NPPA: variants seen among roughly 807,000 people sequenced by gnomAD.
NPPA encodes the protein natriuretic peptide A.
Under a neutral mutation model 12.2 loss-of-function variants are expected in NPPA, and 10 were observed. The ratio of observed to expected loss-of-function variants is 0.82; its 90% CI spans 0.50 to 1.38. NPPA has a LOEUF of 1.38. Among genes scored for constraint, NPPA ranks in the 40% most tolerant of loss-of-function variants. The pLI is 0.00. For synonymous variants in NPPA, 85 were observed against 80.2 expected (o/e 1.06, Z -0.32); for missense variants, 207 against 193.5 (o/e 1.07, Z -0.41).
chr1:11,845,729 C>G lies in NPPA; in HGVS notation c.*280G>C. The G allele has an allele frequency of 3.8e-6, 2 of 530,662 alleles. No individual in the cohort carries two copies. Among genetic ancestry groups the G allele is most frequent in the Non-Finnish European group, 6.8e-6 (2 of 294,342 alleles). The allele number at this position is 530,662 out of a possible 1,614,324, so 32.9% of individuals were successfully genotyped here. A position where few individuals can be genotyped will look rare whatever the true frequency, so the allele number is the denominator to read the frequency against. On this transcript the variant is annotated 3_prime_UTR_variant, in exon 3 of 3. Coordinates refer to ENST00000376480, the MANE Select transcript of NPPA (RefSeq NM_006172.4). ...AGGCATTTGTCTTCTGTCCATGGTG[C>G]TGAAGTTTATTCACTTTCAAACCAC...
Position 11,845,810 on chromosome 1 carries a change from G to A in NPPA, c.*199C>T, listed in dbSNP as rs541197886. 11 of 635,304 alleles carry A rather than the reference G, an allele frequency of 1.7e-5. No individual in the cohort carries two copies. Among genetic ancestry groups the A allele is most frequent in the South Asian group, 5.4e-5 (3 of 55,096 alleles). The allele number at this position is 635,304 out of a possible 1,614,324, so 39.4% of individuals were successfully genotyped here. A position where few individuals can be genotyped will look rare whatever the true frequency, so the allele number is the denominator to read the frequency against. On this transcript the variant is annotated 3_prime_UTR_variant, in exon 3 of 3. Coordinates refer to ENST00000376480, the MANE Select transcript of NPPA (RefSeq NM_006172.4). ...ATTTAATGCATGGGGTGGGAGAGGCGAGGAAGTCACCATCAAACCACTTTA... is the reference window on the plus strand; with the variant it reads ...ATTTAATGCATGGGGTGGGAGAGGCAAGGAAGTCACCATCAAACCACTTTA...
At position 11,847,517 on chromosome 1, in the gene NPPA, A is replaced by G. The variant is rs187460906; in HGVS notation, c.123+45T>C. The G allele has an allele frequency of 5.3e-4, 852 of 1,614,224 alleles. 18 individuals carry two copies. The Admixed American group carries it at 0.014, about 26-fold the overall frequency. Reference sequence around the variant, plus strand: ...AATCAAGAGGAGTGAGCACAGCATCAGAAAGCCCCCTGGCCCCAGACTGCA... The same window carrying G: ...AATCAAGAGGAGTGAGCACAGCATCGGAAAGCCCCCTGGCCCCAGACTGCA... On this transcript the variant is annotated intron_variant, in intron 1 of 2. Coordinates refer to ENST00000376480, the MANE Select transcript of NPPA (RefSeq NM_006172.4).
In NPPA at chr1:11,847,667, G is replaced by T. The variant is rs777614977; in HGVS notation, c.18C>A (p.Thr6=). The change falls in exon 1 of 3, where the codon ACC becomes ACA. Residue 6 remains threonine (T), a synonymous_variant. Transcript: ENST00000376480. The part of the protein sequence containing the change: MSSFS[T]TTVSFLLLLA... ...GTAAAAGGAGGAAGCTCACGGTGGT[G>T]GTGGAGAAGGAGCTCATGCTGGCGT... 2 of 1,614,152 alleles carry T rather than the reference G, an allele frequency of 1.2e-6. No individual in the cohort carries two copies. Among genetic ancestry groups the T allele is most frequent in the Non-Finnish European group, 1.7e-6 (2 of 1,180,020 alleles).
Position 11,847,458 on chromosome 1 carries a change from C to T in NPPA, c.124-19G>A, listed in dbSNP as rs1451671963. ...GCAAATTCTTTAGAAAAGGAAAATA[C>T]AGGGAAAGGGATAAACCTCACTGAC... On this transcript the variant is annotated intron_variant, in intron 1 of 2. Coordinates refer to ENST00000376480, the MANE Select transcript of NPPA (RefSeq NM_006172.4). The T allele has an allele frequency of 6.2e-7, 1 of 1,614,030 alleles. No homozygotes were observed.
rs371227290 is a variant in NPPA, at chr1:11,847,290, C to G, written c.273G>C (p.Gln91His). 11 of 1,613,640 alleles carry G rather than the reference C, an allele frequency of 6.8e-6. No individual in the cohort carries two copies. The highest frequency in any genetic ancestry group is 9.3e-6 in the Non-Finnish European group (11 of 1,179,756). The stretch of plus-strand genomic sequence containing the variant: ...CCCGCCCGAGGGCACCTCCATCTCT[C>G]TGGGCTGGGCTGACTTCCCCGGTCC... ...PPWTGEVSPA[Q>H]RDGGALGRGP... The change falls in exon 2 of 3, where the codon CAG (glutamine) becomes CAC (histidine). Residue 91 changes from glutamine to histidine, a missense_variant. Coordinates refer to ENST00000376480, the MANE Select transcript of NPPA (RefSeq NM_006172.4).
At chr1:11,846,171 T>C (rs1484123811) in intron 2 of NPPA, among the ~76,000 whole-genome samples, 157 bp from the exon 3 acceptor site, 1 of 152,108 alleles carries the variant, frequency 6.6e-6, no homozygotes, top group Admixed American at 6.5e-5. Flanking sequence ...GCTTCATGAA[T>C]TGATAAGCAA....
Position 11,847,457 on chromosome 1 carries a change from ACAGGGAAAGG to A in NPPA, c.124-28_124-19del, listed in dbSNP as rs1645077527. Reference sequence around the variant, plus strand: ...AGCAAATTCTTTAGAAAAGGAAAATACAGGGAAAGGGATAAACCTCACTGACTTGGAGGAA... The same window carrying A: ...AGCAAATTCTTTAGAAAAGGAAAATAGATAAACCTCACTGACTTGGAGGAA... On this transcript the variant is annotated intron_variant, in intron 1 of 2. Coordinates refer to ENST00000376480, the MANE Select transcript of NPPA (RefSeq NM_006172.4). 4 of 1,614,116 alleles carry A rather than the reference ACAGGGAAAGG, an allele frequency of 2.5e-6. No homozygotes were observed. In the Admixed American group the frequency reaches 6.7e-5, roughly 27 times the overall value.
chr1:11,847,783 C>G lies in NPPA; in HGVS notation c.-99G>C. 1 of 1,549,638 alleles carries G rather than the reference C, an allele frequency of 6.5e-7. No homozygotes were observed. Among genetic ancestry groups the G allele is most frequent in the South Asian group, 1.1e-5 (1 of 89,334 alleles). On this transcript the variant is annotated 5_prime_UTR_variant, in exon 1 of 3. Transcript: ENST00000376480. ...TCTTGGCCTACGTCTGTCCCTGTCT[C>G]CCAGCTGCCCAGTGCCGCCTCTTTT...
At position 11,847,693 on chromosome 1, in the gene NPPA, C is replaced by T. The variant is rs377243041; in HGVS notation, c.-9G>A. ...GTGGAGAAGGAGCTCATGCTGGCGT[C>T]GTCAAGGAGCAATCCACTGCTTGCT... On this transcript the variant is annotated 5_prime_UTR_variant, in exon 1 of 3. Coordinates refer to ENST00000376480, the MANE Select transcript of NPPA (RefSeq NM_006172.4). 1.7e-4 allele frequency: 282 copies of T among 1,614,034 alleles called. 1 individual carries two copies. The South Asian group carries it at 2.8e-3, about 16-fold the overall frequency.
chr1:11,847,669 TGGA>T lies in NPPA; in HGVS notation c.13_15del (p.Ser5del), dbSNP rs1481052479. 2 of 1,613,202 alleles carry T rather than the reference TGGA, an allele frequency of 1.2e-6. No individual in the cohort carries two copies. Among genetic ancestry groups the T allele is most frequent in the African/African-American group, 1.3e-5 (1 of 74,892 alleles). ...AAAAGGAGGAAGCTCACGGTGGTGG[TGGA>T]GAAGGAGCTCATGCTGGCGTCGTCA... On this transcript the variant is annotated inframe_deletion, in exon 1 of 3. Coordinates refer to ENST00000376480, the MANE Select transcript of NPPA (RefSeq NM_006172.4).
intron 2 of NPPA, 112 bp from the exon 3 acceptor site, chr1:11,846,126 C>G: frequency 1.0e-6 from 1 of 958,268 alleles, no homozygotes; most frequent in Middle Eastern, 2.1e-4. Flanking sequence ...CACCTGCTTC[C>G]CACCGGCCCC....
chr1:11,846,342 C>T (rs1216046535), intron 2 of NPPA, among the ~76,000 whole-genome samples: 52 of 120,950 alleles, frequency 4.3e-4, no homozygotes, highest in African/African-American at 1.7e-3. Flanking sequence ...TTTTTTGAGA[C>T]GGAGTCTTGC....
In NPPA at chr1:11,847,386, G is replaced by A. The variant is rs566304558; in HGVS notation, c.177C>T (p.Pro59=). The A allele has an allele frequency of 6.2e-7, 1 of 1,614,024 alleles. No homozygotes were observed. Among genetic ancestry groups the A allele is most frequent in the Admixed American group, 1.7e-5 (1 of 60,024 alleles). Residue 59 remains proline, a synonymous_variant, in exon 2 of 3, where the codon CCC becomes CCT. Coordinates refer to ENST00000376480, the MANE Select transcript of NPPA (RefSeq NM_006172.4). ...CATTCGGCTCACTGAGCACTTGTGGGGGCACGACCTCATCTTCTAAAGGCA... is the reference window on the plus strand; with the variant it reads ...CATTCGGCTCACTGAGCACTTGTGGAGGCACGACCTCATCTTCTAAAGGCA... ...EKMPLEDEVV[P]PQVLSEPNEE... is the part of the protein sequence containing the mutation.
intron 2 of NPPA, among the ~76,000 whole-genome samples, chr1:11,846,598 G>T (rs1442881571): frequency 6.8e-6 from 1 of 146,568 alleles, no homozygotes; most frequent in Admixed American, 6.8e-5. Flanking sequence ...GGGATTACAG[G>T]CGTGAGCCAC....
At chr1:11,846,561 C>G (rs1645069993) in intron 2 of NPPA, among the ~76,000 whole-genome samples, 1 of 150,932 alleles carries the variant, frequency 6.6e-6, no homozygotes, top group South Asian at 2.1e-4. Context: ...ACCTCGTGAT[C>G]CACCCGCCTT....
chr1:11,847,359 T>C lies in NPPA; in HGVS notation c.204A>G (p.Glu68=). The C allele has an allele frequency of 6.2e-7, 1 of 1,613,872 alleles. No individual in the cohort carries two copies. Among genetic ancestry groups the C allele is most frequent in the Non-Finnish European group, 8.5e-7 (1 of 1,179,908 alleles). Reference sequence around the variant, plus strand: ...GGGGGCTGAGAGCAGCCCCCGCTTCTTCATTCGGCTCACTGAGCACTTGTG... The same window carrying C: ...GGGGGCTGAGAGCAGCCCCCGCTTCCTCATTCGGCTCACTGAGCACTTGTG... ...VPPQVLSEPN[E]EAGAALSPLP... Residue 68 remains glutamate (E), a synonymous_variant, in exon 2 of 3, where the codon GAA becomes GAG. Transcript: ENST00000376480.
chr1:11,847,547 C>T lies in NPPA; in HGVS notation c.123+15G>A, dbSNP rs760070284. The T allele has an allele frequency of 1.2e-6, 2 of 1,614,220 alleles. No individual in the cohort carries two copies. The highest frequency in any genetic ancestry group is 8.5e-7 in the Non-Finnish European group (1 of 1,180,040). On this transcript the variant is annotated intron_variant, in intron 1 of 2. Transcript: ENST00000376480. ...GCCCCCTGGCCCCAGACTGCACCCG[C>T]TTTCCTGGCCCTACCTTGAAATCCA...
intron 1 of NPPA, 32 bp downstream of exon 1, chr1:11,847,530 G>T: frequency 6.2e-7 from 1 of 1,614,166 alleles, no homozygotes; most frequent in Admixed American, 1.7e-5. Flanking sequence ...AAGCCCCCTG[G>T]CCCCAGACTG....
chr1:11,847,312 G>C lies in NPPA; in HGVS notation c.251C>G (p.Thr84Ser), dbSNP rs1201375203. The C allele has an allele frequency of 6.2e-7, 1 of 1,613,442 alleles. No homozygotes were observed. The highest frequency in any genetic ancestry group is 1.3e-5 in the African/African-American group (1 of 74,930). Residue 84 changes from threonine (T) to serine (S), a missense_variant, in exon 2 of 3, where the codon ACC (threonine) becomes AGC (serine). Physicochemically the swap from Thr to Ser is moderately conservative, Grantham distance 58 (BLOSUM62 1). Coordinates refer to ENST00000376480, the MANE Select transcript of NPPA (RefSeq NM_006172.4). ...LSPLPEVPPW[T>S]GEVSPAQRDG... The stretch of plus-strand genomic sequence containing the variant: ...TCTCTGGGCTGGGCTGACTTCCCCG[G>C]TCCAGGGAGGCACCTCAGGGAGGGG...
Sources: allele counts gnomAD v4.1 joint callset (sites outside exome capture counted in the v4.1 genomes callset), GRCh38; gene constraint gnomAD v4.1.1; transcripts MANE v1.5; gene names NCBI Gene and HGNC (gene_info 2026-07-23, HGNC 2026-07-21).